Variants in RSU1 observed in about 807,000 individuals in gnomAD.
The protein encoded by RSU1 is rsu-1.
In RSU1, 26 loss-of-function variants were observed where a neutral mutation model predicts 31.1. That is an observed-to-expected ratio of 0.84 (90% CI 0.61 to 1.16). The LOEUF (loss-of-function observed/expected upper bound fraction) is 1.16, where lower values mean the gene tolerates loss of function less well. RSU1 is among the 50% of genes most tolerant of loss of function. RSU1 has a pLI of 0.00. For missense variants in RSU1, 320 were observed against 339.1 expected, an observed-to-expected ratio of 0.94 and a Z score of 0.44; for synonymous variants, 164 against 136.3, an observed-to-expected ratio of 1.20 and a Z score of -1.41.
intron 3 of RSU1, among the ~76,000 whole-genome samples, chr10:16,766,072 C>T (rs1166947793): frequency 1.3e-5 from 2 of 152,212 alleles, no homozygotes; most frequent in Non-Finnish European, 2.9e-5. Flanking sequence ...TATCACTGGC[C>T]TTTTAGAGGT....
At chr10:16,752,885 T>A (rs767059476) in intron 6 of RSU1, 33 bp downstream of exon 6, 2 of 1,577,484 alleles carry the variant, frequency 1.3e-6, no homozygotes, top group East Asian at 2.2e-5. Flanking sequence ...CAGCAGTGAA[T>A]TGATTTTCTA....
chr10:16,687,781 G>A (rs1250348803), intron 8 of RSU1, among the ~76,000 whole-genome samples: 1 of 152,118 alleles, frequency 6.6e-6, no homozygotes, highest in Non-Finnish European at 1.5e-5. Flanking sequence ...GTTCAGTGGT[G>A]TGATCTTGGC....
At chr10:16,632,339 G>A (rs1245901560) in intron 8 of RSU1, among the ~76,000 whole-genome samples, 1 of 152,002 alleles carries the variant, frequency 6.6e-6, no homozygotes, top group African/African-American at 2.4e-5. Context: ...GAAAAAACAA[G>A]GCCTTTTAAA....
At chr10:16,612,584 C>T (rs1405865038) in intron 8 of RSU1, among the ~76,000 whole-genome samples, 1 of 152,180 alleles carries the variant, frequency 6.6e-6, no homozygotes, top group African/African-American at 2.4e-5. Context: ...AACCATATTA[C>T]GTAAGAGTCA....
intron 7 of RSU1, among the ~76,000 whole-genome samples, chr10:16,732,279 AC>A (rs1836529677): frequency 6.6e-6 from 1 of 152,098 alleles, no homozygotes; most frequent in African/African-American, 2.4e-5. Flanking sequence ...CTAAAATCTC[AC>A]CTCTACTTCC....
intron 8 of RSU1, among the ~76,000 whole-genome samples, chr10:16,612,973 C>T (rs2131469880): frequency 6.6e-6 from 1 of 151,950 alleles, no homozygotes; most frequent in East Asian, 1.9e-4. Flanking sequence ...CAGTATGGTT[C>T]TCCAGGCCCA....
Position 16,817,044 on chromosome 10 carries a change from C to T in RSU1, c.38G>A (p.Arg13Gln). ...GTCCACCTCGGGCTGGTTCTTCTCC[C>T]GGCTCTCCTCCACCAACTTCTTCAG... is the stretch of plus-strand genomic sequence containing the variant. ...KSLKKLVEES[R>Q]EKNQPEVDMS... Residue 13 changes from arginine to glutamine, a missense_variant, in exon 2 of 9, where the codon CGG becomes CAG. Coordinates refer to ENST00000345264, the MANE Select transcript of RSU1 (RefSeq NM_012425.4). 1 of 1,614,184 alleles carries T rather than the reference C, an allele frequency of 6.2e-7. No homozygotes were observed. The highest frequency in any genetic ancestry group is 8.5e-7 in the Non-Finnish European group (1 of 1,179,990).
chr10:16,694,963 C>A (rs576843789), intron 8 of RSU1, 60 bp downstream of exon 8: 3 of 1,449,810 alleles, frequency 2.1e-6, no homozygotes, highest in African/African-American at 1.4e-5. Context: ...TTTTTAAAGG[C>A]GTAATTATAA....
intron 7 of RSU1, among the ~76,000 whole-genome samples, chr10:16,699,095 G>T (rs1257420262): frequency 1.3e-5 from 2 of 152,226 alleles, no homozygotes; most frequent in African/African-American, 4.8e-5. Flanking sequence ...TGAAACCCAG[G>T]TATAATGTCC....
At chr10:16,611,085 G>A (rs576474792) in intron 8 of RSU1, among the ~76,000 whole-genome samples, 31 of 152,276 alleles carry the variant, frequency 2.0e-4, no homozygotes, top group Middle Eastern at 6.8e-3. Context: ...GGTCCCCAGC[G>A]CCCGGCTGGC....
chr10:16,657,674 C>CT (rs113568705), intron 8 of RSU1, among the ~76,000 whole-genome samples: 6,461 of 152,198 alleles, frequency 0.042, 189 homozygotes, highest in African/African-American at 0.067. Flanking sequence ...CTCCAGACAG[C>CT]TTTGAACCCA....
chr10:16,729,710 T>C (rs144166437), intron 7 of RSU1, among the ~76,000 whole-genome samples: 42 of 152,326 alleles, frequency 2.8e-4, no homozygotes, highest in East Asian at 1.2e-3. Flanking sequence ...TTTTATGGCA[T>C]TGATATCACT....
intron 8 of RSU1, among the ~76,000 whole-genome samples, chr10:16,635,792 T>A (rs1316862776): frequency 1.3e-5 from 2 of 152,222 alleles, no homozygotes; most frequent in African/African-American, 4.8e-5. Context: ...GTTGTACCCA[T>A]CACGGGTAAG....
At chr10:16,721,076 C>T (rs774131373) in intron 7 of RSU1, among the ~76,000 whole-genome samples, 2 of 152,182 alleles carry the variant, frequency 1.3e-5, no homozygotes, top group Non-Finnish European at 2.9e-5. Context: ...CACAAACATT[C>T]CATTAGTACA....
At chr10:16,729,755 G>C (rs1836469239) in intron 7 of RSU1, among the ~76,000 whole-genome samples, 1 of 152,144 alleles carries the variant, frequency 6.6e-6, no homozygotes, top group Non-Finnish European at 1.5e-5. Flanking sequence ...AAACAGCTGT[G>C]ATCATCCCGC....
At chr10:16,741,997 A>G (rs935065859) in intron 7 of RSU1, among the ~76,000 whole-genome samples, 5 of 152,154 alleles carry the variant, frequency 3.3e-5, no homozygotes, top group Non-Finnish European at 7.3e-5. Context: ...AATATAATGT[A>G]TATGGGGTTG....
At chr10:16,790,613 G>T (rs373366468) in intron 2 of RSU1, among the ~76,000 whole-genome samples, 28 of 152,262 alleles carry the variant, frequency 1.8e-4, no homozygotes, top group African/African-American at 5.5e-4. Context: ...TGAAAAACAG[G>T]GAAGGCATAT....
At chr10:16,736,967 G>C (rs1259367079) in intron 7 of RSU1, among the ~76,000 whole-genome samples, 3 of 132,668 alleles carry the variant, frequency 2.3e-5, no homozygotes, top group Non-Finnish European at 4.7e-5. Context: ...AAAAATCACT[G>C]AACTTAATGA....
intron 8 of RSU1, among the ~76,000 whole-genome samples, chr10:16,675,383 G>A (rs1161924394): frequency 1.3e-5 from 2 of 152,106 alleles, no homozygotes; most frequent in Non-Finnish European, 2.9e-5. Flanking sequence ...GGTGACCTAA[G>A]GCTTTCTACT....
Sources: allele counts gnomAD v4.1 joint callset (sites outside exome capture counted in the v4.1 genomes callset), GRCh38; gene constraint gnomAD v4.1.1; transcripts MANE v1.5; gene names NCBI Gene and HGNC (gene_info 2026-07-23, HGNC 2026-07-21).